The following HPSE2 variants were observed in gnomAD, a reference collection of about 807,000 sequenced individuals.
The protein encoded by HPSE2 is inactive heparanase-2.
HPSE2 carries 38 observed loss-of-function variants against 60.5 expected under a neutral mutation model. The observed-to-expected ratio is 0.63, with a 90% CI of 0.48 to 0.82. HPSE2 has a LOEUF of 0.82. Among genes scored for constraint, HPSE2 ranks in the 40% least tolerant of loss-of-function variants. HPSE2 has a pLI of 0.00. For missense variants in HPSE2, 713 were observed against 740.4 expected (o/e 0.96, Z 0.43); for synonymous variants, 295 against 293.2 (o/e 1.01, Z -0.06).
chr10:99,005,770 T>C (rs1012120926), intron 3 of HPSE2, among the ~76,000 whole-genome samples: 2 of 152,138 alleles, frequency 1.3e-5, no homozygotes, highest in Admixed American at 6.5e-5. Context: ...TGGAAAGAAG[T>C]TGGAATTCAC....
chr10:98,522,536 A>G (rs1942830996), intron 9 of HPSE2, among the ~76,000 whole-genome samples: 1 of 152,108 alleles, frequency 6.6e-6, no homozygotes, highest in African/African-American at 2.4e-5. Context: ...GTGCAATGGC[A>G]TGATCTCAGC....
intron 7 of HPSE2, among the ~76,000 whole-genome samples, chr10:98,639,303 A>G (rs1946578375): frequency 6.6e-6 from 1 of 152,154 alleles, no homozygotes; most frequent in East Asian, 1.9e-4. Flanking sequence ...GACCCATACA[A>G]TGCATTGGCT....
intron 2 of HPSE2, among the ~76,000 whole-genome samples, chr10:99,202,394 T>C (rs538492039): frequency 6.6e-6 from 1 of 152,292 alleles, no homozygotes; most frequent in African/African-American, 2.4e-5. Context: ...AAACTAAAAA[T>C]GATGATACTT....
intron 3 of HPSE2, among the ~76,000 whole-genome samples, chr10:98,753,240 A>C (rs1336057883): frequency 6.6e-6 from 1 of 152,224 alleles, no homozygotes; most frequent in Non-Finnish European, 1.5e-5. Context: ...TGAGAAAAAA[A>C]GTCAGGTAAT....
intron 9 of HPSE2, among the ~76,000 whole-genome samples, chr10:98,497,553 T>G (rs892006459): frequency 6.6e-5 from 10 of 152,166 alleles, no homozygotes; most frequent in Admixed American, 6.5e-4. Flanking sequence ...GTCTATTTCA[T>G]TATACTTTTA....
intron 6 of HPSE2, among the ~76,000 whole-genome samples, chr10:98,642,791 G>A (rs906212161): frequency 2.0e-5 from 3 of 152,190 alleles, no homozygotes; most frequent in Non-Finnish European, 2.9e-5. Context: ...TCTTGGCAAA[G>A]TTCTGAATTC....
chr10:98,516,230 G>C (rs1323208275), intron 9 of HPSE2, among the ~76,000 whole-genome samples: 1 of 152,156 alleles, frequency 6.6e-6, no homozygotes, highest in East Asian at 1.9e-4. Flanking sequence ...ACTGTTGTTT[G>C]TCCTATTTTA....
chr10:98,596,598 A>C (rs149034089), intron 9 of HPSE2, among the ~76,000 whole-genome samples: 2 of 151,802 alleles, frequency 1.3e-5, no homozygotes, highest in African/African-American at 4.8e-5. Flanking sequence ...CTGAAGTGCA[A>C]CTTTCCTGGG....
chr10:99,257,880 C>G, the HPSE2 span, among the ~76,000 whole-genome samples: 1 of 152,088 alleles, frequency 6.6e-6, no homozygotes, highest in South Asian at 2.1e-4. Flanking sequence ...CTATTTTGTA[C>G]TCTGTCCTTT....
intron 2 of HPSE2, among the ~76,000 whole-genome samples, chr10:99,200,841 A>G (rs1346873924): frequency 6.6e-6 from 1 of 152,172 alleles, no homozygotes. Flanking sequence ...TGTATCTGTC[A>G]CACTGGTATG....
At chr10:99,069,185 G>T (rs982600273) in intron 3 of HPSE2, among the ~76,000 whole-genome samples, 1 of 152,084 alleles carries the variant, frequency 6.6e-6, no homozygotes, top group Admixed American at 6.5e-5. Flanking sequence ...AACTCAGCTG[G>T]TTCTCATAAG....
In HPSE2 at chr10:99,144,405, AAAAG is replaced by A. The variant is rs1332630920; in HGVS notation, c.449-10_449-7del. On this transcript the variant is annotated splice_polypyrimidine_tract_variant and splice_region_variant and intron_variant, in intron 2 of 11. Coordinates refer to ENST00000370552, the MANE Select transcript of HPSE2 (RefSeq NM_021828.5). Reference sequence around the variant, plus strand: ...AACATCACTTCGAACAATGTCTACAAAAAGAAAGAAAGAAGGCAGGCAGCAAAAA... The same window carrying A: ...AACATCACTTCGAACAATGTCTACAAAAAGAAAGAAGGCAGGCAGCAAAAA... 4 of 1,612,830 alleles carry A rather than the reference AAAAG, an allele frequency of 2.5e-6. No individual in the cohort carries two copies. The highest frequency in any genetic ancestry group is 1.1e-5 in the South Asian group (1 of 91,010).
intron 9 of HPSE2, among the ~76,000 whole-genome samples, chr10:98,547,827 A>G (rs1943738674): frequency 6.6e-6 from 1 of 151,258 alleles, no homozygotes; most frequent in Admixed American, 6.6e-5. Context: ...AAAGAATAGA[A>G]CACAAACACA....
At chr10:98,836,280 T>TA (rs1951788354) in intron 3 of HPSE2, among the ~76,000 whole-genome samples, 1 of 152,180 alleles carries the variant, frequency 6.6e-6, no homozygotes, top group African/African-American at 2.4e-5. Context: ...ATTTTGCTCT[T>TA]AGAGTCTAAA....
At chr10:98,542,160 C>T (rs543880470) in intron 9 of HPSE2, among the ~76,000 whole-genome samples, 34 of 152,236 alleles carry the variant, frequency 2.2e-4, no homozygotes, top group Admixed American at 1.8e-3. Context: ...CAGCAGCATT[C>T]GCGGTTCACG....
intron 3 of HPSE2, among the ~76,000 whole-genome samples, chr10:98,857,671 T>C (rs538282526): frequency 2.6e-5 from 4 of 152,168 alleles, no homozygotes; most frequent in Admixed American, 2.0e-4. Flanking sequence ...ATTATACTAA[T>C]AATTAGAAGC....
intron 5 of HPSE2, among the ~76,000 whole-genome samples, chr10:98,710,563 A>C (rs1237408598): frequency 6.6e-6 from 1 of 152,182 alleles, no homozygotes; most frequent in African/African-American, 2.4e-5. Context: ...TTTAAGGAGA[A>C]TCCTGAATGA....
intron 3 of HPSE2, among the ~76,000 whole-genome samples, chr10:99,124,705 C>G (rs1393917074): frequency 1.3e-5 from 2 of 152,272 alleles, no homozygotes; most frequent in African/African-American, 4.8e-5. Flanking sequence ...CAAGGCCAGA[C>G]AGCAGGAGTA....
chr10:98,552,580 T>C (rs769931541), intron 9 of HPSE2, among the ~76,000 whole-genome samples: 1 of 152,142 alleles, frequency 6.6e-6, no homozygotes, highest in Non-Finnish European at 1.5e-5. Flanking sequence ...GACCTCTACT[T>C]GGTGGGCTTT....
Sources: gnomAD v4.1 joint callset for allele counts (sites outside exome capture counted in the v4.1 genomes callset) on GRCh38, gnomAD v4.1.1 for gene constraint, MANE v1.5 for transcripts, NCBI Gene and HGNC (gene_info 2026-07-23, HGNC 2026-07-21) for gene names.